NAALADL2: variants seen among roughly 807,000 people sequenced by gnomAD.
NAALADL2 encodes inactive N-acetylated-alpha-linked acidic dipeptidase-like protein 2.
A neutral mutation model predicts 87.2 loss-of-function variants in NAALADL2; 76 were observed. That is an observed-to-expected ratio of 0.87 (90% CI 0.72 to 1.05). The LOEUF (loss-of-function observed/expected upper bound fraction) is 1.05, where lower values mean the gene tolerates loss of function less well. Among genes scored for constraint, NAALADL2 ranks in the 50% least tolerant of loss-of-function variants. The pLI, the probability that NAALADL2 is intolerant of heterozygous loss-of-function variation, is 0.00. For missense variants in NAALADL2, 1,089 were observed against 945.8 expected, an observed-to-expected ratio of 1.15 and a Z score of -1.99; for synonymous variants, 354 against 331.0, an observed-to-expected ratio of 1.07 and a Z score of -0.75.
At chr3:175,663,524 TC>T (rs200671383) in intron 11 of NAALADL2, among the ~76,000 whole-genome samples, 2,073 of 152,026 alleles carry the variant, frequency 0.014, 53 homozygotes, top group African/African-American at 0.047. Flanking sequence ...GGTAATCTTT[TC>T]TAATTTGTTT....
chr3:174,797,305 C>CTTTTTTTTTTTTTTTTTTTTTTTTTTTTT (rs1160338109), intron 3 of NAALADL2, among the ~76,000 whole-genome samples: 6 of 72,718 alleles, frequency 8.3e-5, no homozygotes, highest in African/African-American at 2.8e-4. Flanking sequence ...TTTCTTTTTT[C>CTTTTTTTTTTTTTTTTTTTTTTTTTTTTT]TTTTTTTTTT....
At chr3:174,544,376 G>A in intron 1 of NAALADL2, among the ~76,000 whole-genome samples, 1 of 151,934 alleles carries the variant, frequency 6.6e-6, no homozygotes, top group Non-Finnish European at 1.5e-5. Flanking sequence ...TAATAACTAT[G>A]TGAATATTGT....
intron 1 of NAALADL2, among the ~76,000 whole-genome samples, chr3:174,509,397 T>C (rs1719438304): frequency 1.4e-5 from 1 of 73,350 alleles, no homozygotes; most frequent in Non-Finnish European, 3.3e-5. Flanking sequence ...TGTCTCTTCC[T>C]TTCTTTCTTT....
chr3:175,771,004 T>C (rs1175089795), intron 13 of NAALADL2, among the ~76,000 whole-genome samples: 1 of 152,216 alleles, frequency 6.6e-6, no homozygotes, highest in Admixed American at 6.5e-5. Flanking sequence ...TGAAATAGAA[T>C]ATCACATGGG....
At chr3:175,510,537 T>C (rs1731014653) in intron 9 of NAALADL2, among the ~76,000 whole-genome samples, 1 of 152,238 alleles carries the variant, frequency 6.6e-6, no homozygotes, top group Non-Finnish European at 1.5e-5. Context: ...ACCAACTGTT[T>C]GGAAATGTTT....
intron 9 of NAALADL2, among the ~76,000 whole-genome samples, chr3:175,500,490 A>C (rs1437326646): frequency 2.0e-5 from 3 of 151,968 alleles, no homozygotes; most frequent in Non-Finnish European, 2.9e-5. Context: ...AGGTGATTTC[A>C]TTCATTCATT....
intron 2 of NAALADL2, among the ~76,000 whole-genome samples, chr3:175,206,257 TA>T (rs1425094717): frequency 2.2e-5 from 2 of 91,700 alleles, no homozygotes; most frequent in African/African-American, 1.5e-4. Flanking sequence ...TATATATATA[TA>T]TATATTTTTT....
At chr3:174,838,690 T>C (rs1447077695) in intron 3 of NAALADL2, among the ~76,000 whole-genome samples, 3 of 152,164 alleles carry the variant, frequency 2.0e-5, no homozygotes, top group African/African-American at 7.2e-5. Flanking sequence ...AACTCTTCTA[T>C]ACACCAATAG....
At position 175,277,838 on chromosome 3, in the gene NAALADL2, C is replaced by T. The variant is rs149111910; in HGVS notation, c.939+21308C>T. Among the ~76,000 whole-genome samples, 266 of 152,288 alleles carry T rather than the reference C, an allele frequency of 1.7e-3. 3 individuals are homozygous for T. The East Asian group carries it at 0.024, about 14-fold the overall frequency. ...ATTCTAGTTTACTTGTATCTTTCTTCTCTTCTTTTACTACTCAAATTCTGT... is the reference window on the plus strand; with the variant it reads ...ATTCTAGTTTACTTGTATCTTTCTTTTCTTCTTTTACTACTCAAATTCTGT... On this transcript the variant is annotated intron_variant, in intron 4 of 13. Transcript: ENST00000454872.
intron 1 of NAALADL2, among the ~76,000 whole-genome samples, chr3:174,945,272 G>A (rs1739239024): frequency 6.6e-6 from 1 of 152,048 alleles, no homozygotes; most frequent in South Asian, 2.1e-4. Context: ...GGTTAGTACT[G>A]GTATCACTAC....
intron 3 of NAALADL2, among the ~76,000 whole-genome samples, chr3:174,787,859 T>C (rs1560226149): frequency 6.6e-6 from 1 of 151,326 alleles, no homozygotes; most frequent in Non-Finnish European, 1.5e-5. Context: ...GGAAAAGAAG[T>C]AGATTCAGTT....
At chr3:175,132,000 A>ACC (rs575345948) in intron 2 of NAALADL2, among the ~76,000 whole-genome samples, 27 of 75,316 alleles carry the variant, frequency 3.6e-4, no homozygotes, top group Middle Eastern at 0.012. Context: ...AGGGGGACTG[A>ACC]CCCCCCCACC....
chr3:174,548,980 A>G (rs1352303273), intron 1 of NAALADL2, among the ~76,000 whole-genome samples: 2 of 152,150 alleles, frequency 1.3e-5, no homozygotes, highest in African/African-American at 4.8e-5. Context: ...AGCTGGGATT[A>G]CAGTCATGCA....
Position 174,514,401 on chromosome 3 carries a change from C to A in NAALADL2, c.-183-36168C>A, listed in dbSNP as rs182704528. 4.4e-3 allele frequency among the ~76,000 whole-genome samples: 676 copies of A among 152,128 alleles called. 5 individuals carry two copies. The highest frequency in any genetic ancestry group is 0.016 in the African/African-American group (652 of 41,486). On this transcript the variant is annotated intron_variant, in intron 1 of 3. Coordinates refer to the NAALADL2 transcript ENST00000434257. The stretch of plus-strand genomic sequence containing the variant: ...ATATAAAAAGCCATATGAAAAATAT[C>A]TATAATAGAAAACCAGTTGCTATAT...
At chr3:174,469,573 T>C (rs542815419) in intron 1 of NAALADL2, among the ~76,000 whole-genome samples, 17 of 152,042 alleles carry the variant, frequency 1.1e-4, no homozygotes, top group Admixed American at 9.2e-4. Flanking sequence ...GGACTACAGG[T>C]ACCCGCCACC....
At chr3:174,833,564 G>T (rs1359642798) in intron 3 of NAALADL2, among the ~76,000 whole-genome samples, 1 of 151,970 alleles carries the variant, frequency 6.6e-6, no homozygotes, top group Non-Finnish European at 1.5e-5. Context: ...AGCCAGTTTT[G>T]CCCTGATTAA....
At chr3:174,845,686 G>C (rs1159411958) in intron 3 of NAALADL2, among the ~76,000 whole-genome samples, 1 of 152,148 alleles carries the variant, frequency 6.6e-6, no homozygotes, top group African/African-American at 2.4e-5. Context: ...TTGAGCCAGG[G>C]GTGGGAACAT....
intron 2 of NAALADL2, among the ~76,000 whole-genome samples, chr3:175,173,752 G>GT (rs1476285785): frequency 1.3e-5 from 2 of 152,166 alleles, no homozygotes; most frequent in Non-Finnish European, 2.9e-5. Flanking sequence ...TTGCAAGCAC[G>GT]TTTATTAGTG....
At chr3:175,110,319 G>A (rs947881224) in intron 2 of NAALADL2, among the ~76,000 whole-genome samples, 1 of 151,774 alleles carries the variant, frequency 6.6e-6, no homozygotes, top group Non-Finnish European at 1.5e-5. Flanking sequence ...ATGACCAGTG[G>A]TGTATGTTAA....
Sources: allele counts gnomAD v4.1 joint callset (sites outside exome capture counted in the v4.1 genomes callset), GRCh38; gene constraint gnomAD v4.1.1; transcripts MANE v1.5; gene names NCBI Gene and HGNC (gene_info 2026-07-23, HGNC 2026-07-21).